The following CNTNAP4 variants were observed in gnomAD, a reference collection of about 807,000 sequenced individuals.
CNTNAP4 encodes contactin-associated protein-like 4.
Under a neutral mutation model 148.4 loss-of-function variants are expected in CNTNAP4, and 98 were observed. That is an observed-to-expected ratio of 0.66 (90% CI 0.56 to 0.78). The LOEUF (loss-of-function observed/expected upper bound fraction) is 0.78. CNTNAP4 is among the 30% of genes least tolerant of loss of function. The pLI, the probability that CNTNAP4 is intolerant of heterozygous loss-of-function variation, is 0.00. For missense variants in CNTNAP4, 1,935 were observed against 1,565.6 expected (o/e 1.24, Z -3.98); for synonymous variants, 730 against 565.1 (o/e 1.29, Z -4.14).
chr16:76,541,004 G>T, intron 21 of CNTNAP4, among the ~76,000 whole-genome samples: 1 of 152,022 alleles, frequency 6.6e-6, no homozygotes, highest in East Asian at 1.9e-4. Flanking sequence ...TTGATGGTAA[G>T]GTCACTCTGG....
chr16:76,408,371 AAT>A (rs2078676432), intron 3 of CNTNAP4, among the ~76,000 whole-genome samples: 1 of 140,676 alleles, frequency 7.1e-6, no homozygotes. Flanking sequence ...AACAGTTGTT[AAT>A]CTATTAACAA....
intron 3 of CNTNAP4, among the ~76,000 whole-genome samples, chr16:76,397,146 G>A (rs902110828): frequency 7.2e-5 from 11 of 151,842 alleles, no homozygotes; most frequent in East Asian, 2.0e-4. Context: ...AACCTTTCAC[G>A]GACATAAGGG....
At position 76,277,601 on chromosome 16, in the gene CNTNAP4, A is replaced by G; in HGVS notation, c.-62A>G. 1 of 1,123,620 alleles carries G rather than the reference A, an allele frequency of 8.9e-7. No homozygotes were observed. The highest frequency in any genetic ancestry group is 1.3e-6 in the Non-Finnish European group (1 of 756,744). The allele number at this position is 1,123,620 out of a possible 1,614,324, so 69.6% of individuals were successfully genotyped here. On this transcript the variant is annotated 5_prime_UTR_variant, in exon 1 of 24. Coordinates refer to ENST00000611870, the MANE Select transcript of CNTNAP4 (RefSeq NM_033401.5). ...GACAGAGCTGGCAGAGCTACTGAGA[A>G]GAGGACTGGAGCGCTCTGAGAGCCT... is the stretch of plus-strand genomic sequence containing the variant.
chr16:76,522,079 G>T lies in CNTNAP4; in HGVS notation c.2577G>T (p.Gly859=). The stretch of plus-strand genomic sequence containing the variant: ...CTTTTTCATTTGATGTGGGGAATGG[G>T]CCTTTTGAAATCTCAGTGCAGTCAC... The part of the protein sequence containing the change: ...VVTFSFDVGN[G]PFEISVQSPT... Residue 859 remains glycine (G), a synonymous_variant, in exon 17 of 24, where the codon GGG becomes GGT. Transcript: ENST00000611870. 1 of 1,613,888 alleles carries T rather than the reference G, an allele frequency of 6.2e-7. No homozygotes were observed. Among genetic ancestry groups the T allele is most frequent in the Non-Finnish European group, 8.5e-7 (1 of 1,179,854 alleles).
chr16:76,320,611 T>A (rs1962306298), intron 2 of CNTNAP4, among the ~76,000 whole-genome samples: 1 of 152,166 alleles, frequency 6.6e-6, no homozygotes, highest in South Asian at 2.1e-4. Flanking sequence ...GGAGTTTCAG[T>A]ATAGCTTAAA....
chr16:76,541,354 A>T (rs1017428252), intron 21 of CNTNAP4, among the ~76,000 whole-genome samples: 1 of 152,256 alleles, frequency 6.6e-6, no homozygotes, highest in Non-Finnish European at 1.5e-5. Flanking sequence ...GCACTGGAGT[A>T]GAAATGCACT....
intron 2 of CNTNAP4, among the ~76,000 whole-genome samples, chr16:76,317,299 A>C (rs1337095203): frequency 1.7e-5 from 2 of 119,190 alleles, no homozygotes; most frequent in African/African-American, 6.4e-5. Flanking sequence ...AAACCCAAAA[A>C]ACCCCCCAAA....
At chr16:76,430,111 G>C (rs1047197701) in intron 4 of CNTNAP4, among the ~76,000 whole-genome samples, 2 of 152,140 alleles carry the variant, frequency 1.3e-5, no homozygotes, top group African/African-American at 4.8e-5. Flanking sequence ...CCATAGTCAT[G>C]CTCACATTTT....
chr16:76,438,922 G>C (rs371979269), intron 4 of CNTNAP4, among the ~76,000 whole-genome samples: 3 of 152,244 alleles, frequency 2.0e-5, no homozygotes, highest in African/African-American at 7.2e-5. Flanking sequence ...GTCTGTACAT[G>C]TGTACATTTG....
At chr16:76,405,519 C>T (rs1010553996) in intron 3 of CNTNAP4, among the ~76,000 whole-genome samples, 3 of 152,096 alleles carry the variant, frequency 2.0e-5, no homozygotes, top group Non-Finnish European at 4.4e-5. Context: ...GAGTTATATA[C>T]TGTATTCTTA....
intron 17 of CNTNAP4, among the ~76,000 whole-genome samples, chr16:76,528,873 A>G (rs1414774101): frequency 2.6e-5 from 4 of 152,228 alleles, no homozygotes; most frequent in Admixed American, 2.6e-4. Context: ...GCATTAGCCT[A>G]CATCACCCGA....
intron 9 of CNTNAP4, 68 bp from the exon 10 acceptor site, chr16:76,467,284 T>G: frequency 7.3e-7 from 1 of 1,376,316 alleles, no homozygotes; most frequent in South Asian, 1.3e-5. Context: ...ATTTTTTAAA[T>G]GAAGTTATCT....
At position 76,298,909 on chromosome 16, in the gene CNTNAP4, C is replaced by G. The variant is rs112453018; in HGVS notation, c.86-17504C>G. ...GATTCAAGTGTGGTTTGTATTAAAT[C>G]AGTTCCTCTTTAATGATTGTGACTT... On this transcript the variant is annotated intron_variant, in intron 1 of 23. Transcript: ENST00000611870. Among the ~76,000 whole-genome samples the G allele has an allele frequency of 8.4e-3, 1,278 of 152,198 alleles. 14 individuals are homozygous for G. The highest frequency in any genetic ancestry group is 0.029 in the African/African-American group (1,191 of 41,516).
chr16:76,286,207 G>A (rs1181026262), intron 1 of CNTNAP4, among the ~76,000 whole-genome samples: 1 of 151,390 alleles, frequency 6.6e-6, no homozygotes, highest in Non-Finnish European at 1.5e-5. Flanking sequence ...GTGTGTGTGT[G>A]TGTGTGTGTG....
intron 18 of CNTNAP4, among the ~76,000 whole-genome samples, chr16:76,536,252 G>C (rs1210789130): frequency 6.6e-6 from 1 of 151,990 alleles, no homozygotes; most frequent in Non-Finnish European, 1.5e-5. Context: ...CTGGAGTGCA[G>C]TGGCGCAATC....
At position 76,535,873 on chromosome 16, in the gene CNTNAP4, C is replaced by A; in HGVS notation, c.2995+89C>A. ...TTCTTTTCTATGCAGCTATTTGAAACAAAAAAAATTCAATTTCTGAATTGC... is the reference window on the plus strand; with the variant it reads ...TTCTTTTCTATGCAGCTATTTGAAAAAAAAAAAATTCAATTTCTGAATTGC... On this transcript the variant is annotated intron_variant, in intron 18 of 23. Coordinates refer to ENST00000611870, the MANE Select transcript of CNTNAP4 (RefSeq NM_033401.5). 47 of 1,408,694 alleles carry A rather than the reference C, an allele frequency of 3.3e-5. No individual in the cohort carries two copies. In the Admixed American group the frequency reaches 4.2e-4, roughly 13 times the overall value. The allele number at this position is 1,408,694 out of a possible 1,614,324, so 87.3% of individuals were successfully genotyped here. A position where few individuals can be genotyped will look rare whatever the true frequency, so the allele number is the denominator to read the frequency against.
rs571686910 is a variant in CNTNAP4, at chr16:76,293,196, C to A, written c.85+15449C>A. Among the ~76,000 whole-genome samples the A allele has an allele frequency of 1.4e-4, 22 of 152,044 alleles. No homozygotes were observed. The East Asian group carries it at 4.3e-3, about 29-fold the overall frequency. On this transcript the variant is annotated intron_variant, in intron 1 of 23. Transcript: ENST00000611870. ...CTGGAGTGCAGTGGTGCAATCTCGGCTAACTGCAACCTCCACCTCCCGGGT... is the reference window on the plus strand; with the variant it reads ...CTGGAGTGCAGTGGTGCAATCTCGGATAACTGCAACCTCCACCTCCCGGGT...
At chr16:76,361,906 C>T (rs1222873594) in intron 3 of CNTNAP4, among the ~76,000 whole-genome samples, 1 of 152,118 alleles carries the variant, frequency 6.6e-6, no homozygotes, top group Non-Finnish European at 1.5e-5. Flanking sequence ...TTTTGATTTG[C>T]ATTTCCCTGA....
chr16:76,507,285 CA>C (rs1221138175), intron 15 of CNTNAP4, among the ~76,000 whole-genome samples: 2 of 96,792 alleles, frequency 2.1e-5, no homozygotes, highest in African/African-American at 5.2e-5. Flanking sequence ...TGACTGTAGT[CA>C]CCATGTTTTG....
Sources: gnomAD v4.1 joint callset for allele counts (sites outside exome capture counted in the v4.1 genomes callset) on GRCh38, gnomAD v4.1.1 for gene constraint, MANE v1.5 for transcripts, NCBI Gene and HGNC (gene_info 2026-07-23, HGNC 2026-07-21) for gene names.